Variants in LPAR6 observed in about 807,000 individuals in gnomAD.
The protein encoded by LPAR6 is lysophosphatidic acid receptor 6.
A neutral mutation model predicts 22.0 loss-of-function variants in LPAR6; 17 were observed. The ratio of observed to expected loss-of-function variants is 0.77; its 90% CI spans 0.53 to 1.16. The LOEUF is 1.16. Among genes scored for constraint, LPAR6 ranks in the 50% most tolerant of loss-of-function variants. The probability of loss-of-function intolerance (pLI) is 0.00; values close to 1 mark genes in which losing one functional copy is unlikely to be tolerated. For missense variants in LPAR6, 384 were observed against 406.9 expected, an observed-to-expected ratio of 0.94 and a Z score of 0.48; for synonymous variants, 136 against 139.8, an observed-to-expected ratio of 0.97 and a Z score of 0.19.
chr13:48,391,597 T>C (rs762713022), intron 1 of LPAR6: 1 of 152,068 alleles, frequency 6.6e-6, no homozygotes, highest in South Asian at 2.1e-4. Flanking sequence ...TCTATTCTTA[T>C]AAAACAAACA....
At chr13:48,423,391 A>G (rs1157625725) in intron 1 of LPAR6, among the ~76,000 whole-genome samples, 1 of 152,088 alleles carries the variant, frequency 6.6e-6, no homozygotes, top group Non-Finnish European at 1.5e-5. Flanking sequence ...CTCAGGTATA[A>G]TAGATCAAGG....
chr13:48,442,210 T>TA (rs1949244431), intron 1 of LPAR6, among the ~76,000 whole-genome samples: 2 of 147,074 alleles, frequency 1.4e-5, no homozygotes, highest in African/African-American at 4.9e-5. Flanking sequence ...AATTTTATTT[T>TA]TTTTTTTTGA....
intron 1 of LPAR6, among the ~76,000 whole-genome samples, chr13:48,395,548 A>G (rs1198386533): frequency 6.6e-6 from 1 of 152,138 alleles, no homozygotes; most frequent in Non-Finnish European, 1.5e-5. Flanking sequence ...ACCTGACGGA[A>G]CTGAAAAAAC....
intron 1 of LPAR6, among the ~76,000 whole-genome samples, chr13:48,393,056 T>A (rs545846726): frequency 3.3e-5 from 5 of 152,212 alleles, no homozygotes; most frequent in Admixed American, 6.5e-5. Context: ...CTCTACTGAA[T>A]ATCCCATATA....
intron 1 of LPAR6, among the ~76,000 whole-genome samples, chr13:48,441,197 A>G (rs1214065463): frequency 1.3e-5 from 2 of 152,200 alleles, no homozygotes; most frequent in African/African-American, 4.8e-5. Context: ...TGGTTCATAG[A>G]TGGCACCTTC....
chr13:48,440,188 C>G (rs1949223391), intron 1 of LPAR6, among the ~76,000 whole-genome samples: 1 of 152,078 alleles, frequency 6.6e-6, no homozygotes, highest in African/African-American at 2.4e-5. Flanking sequence ...CTGATATATG[C>G]TGCCTCCCAA....
At chr13:48,439,215 A>G (rs531112373) in intron 1 of LPAR6, among the ~76,000 whole-genome samples, 1 of 152,328 alleles carries the variant, frequency 6.6e-6, no homozygotes, top group African/African-American at 2.4e-5. Context: ...TAATTTCTAT[A>G]AAATACACAT....
Position 48,411,994 on chromosome 13 carries a change from CAGTT to C in LPAR6, c.426_429del (p.Thr143Ter). 1 of 1,608,204 alleles carries C rather than the reference CAGTT, an allele frequency of 6.2e-7. No homozygotes were observed. Among genetic ancestry groups the C allele is most frequent in the Non-Finnish European group, 8.5e-7 (1 of 1,176,914 alleles). Reference sequence around the variant, plus strand: ...ACGGCGGGTGCACTTCCTCCGATCACAGTTAACCACACGCCAGTGCAAACAATCT... The same window carrying C: ...ACGGCGGGTGCACTTCCTCCGATCACAACCACACGCCAGTGCAAACAATCT... On this transcript the variant is annotated frameshift_variant, in exon 1 of 1. Coordinates refer to ENST00000620633, the MANE Select transcript of LPAR6 (RefSeq NM_001162498.3). LOFTEE classifies it high-confidence loss of function.
chr13:48,394,540 G>C (rs1001250451), intron 1 of LPAR6, among the ~76,000 whole-genome samples: 13 of 152,178 alleles, frequency 8.5e-5, no homozygotes, highest in Admixed American at 7.9e-4. Context: ...GTCTGAGGTC[G>C]ACCTGGGATG....
intron 1 of LPAR6, among the ~76,000 whole-genome samples, chr13:48,434,237 A>G (rs1949159835): frequency 6.6e-6 from 1 of 151,956 alleles, no homozygotes; most frequent in Non-Finnish European, 1.5e-5. Flanking sequence ...AGTTGAGGCC[A>G]GTAGTTTGAG....
upstream of LPAR6, chr13:48,416,165 G>T (rs889207504): frequency 1.3e-5 from 2 of 152,176 alleles, no homozygotes; most frequent in African/African-American, 4.8e-5. Flanking sequence ...GGAACAGCTG[G>T]AGTCTGCAGC....
At chr13:48,430,753 CA>C (rs2138276278), upstream of LPAR6, among the ~76,000 whole-genome samples, 1 of 31,448 alleles carries the variant, frequency 3.2e-5, no homozygotes, top group East Asian at 8.7e-4. Flanking sequence ...AACAAAAAAA[CA>C]AACAAACAAA....
intron 1 of LPAR6, among the ~76,000 whole-genome samples, chr13:48,440,458 A>G (rs1468673022): frequency 4.6e-5 from 7 of 152,106 alleles, no homozygotes. Flanking sequence ...GCTAATGCAT[A>G]TTTTTTAACT....
chr13:48,442,235 C>T (rs539979503), intron 1 of LPAR6, among the ~76,000 whole-genome samples: 1 of 151,046 alleles, frequency 6.6e-6, no homozygotes, highest in African/African-American at 2.4e-5. Flanking sequence ...GAGTCTTGCT[C>T]TGTTGCCCAG....
chr13:48,425,362 G>T (rs1225906342), intron 1 of LPAR6, among the ~76,000 whole-genome samples: 2 of 152,204 alleles, frequency 1.3e-5, no homozygotes, highest in Admixed American at 1.3e-4. Flanking sequence ...ATGTAACCTA[G>T]TCCTACTCTG....
intron 1 of LPAR6, among the ~76,000 whole-genome samples, chr13:48,434,201 C>G (rs964142721): frequency 1.3e-5 from 2 of 151,820 alleles, no homozygotes; most frequent in African/African-American, 2.4e-5. Flanking sequence ...AATCCTTACA[C>G]TTTGGGAGGC....
At chr13:48,407,299 G>A (rs1948748946), downstream of LPAR6, among the ~76,000 whole-genome samples, 1 of 152,158 alleles carries the variant, frequency 6.6e-6, no homozygotes, top group Admixed American at 6.6e-5. Flanking sequence ...CTTTTCCAAT[G>A]AAAGAGGTAA....
intron 1 of LPAR6, among the ~76,000 whole-genome samples, chr13:48,392,400 C>T (rs1948617754): frequency 6.6e-6 from 1 of 152,186 alleles, no homozygotes; most frequent in South Asian, 2.1e-4. Flanking sequence ...CATGAGCCAC[C>T]ACGCCTGGCC....
At chr13:48,416,692 A>T (rs1280008431), upstream of LPAR6, 1 of 152,078 alleles carries the variant, frequency 6.6e-6, no homozygotes, top group Non-Finnish European at 1.5e-5. Flanking sequence ...CTGGCTTGAA[A>T]CTCTTACTGC....
Sources: gnomAD v4.1 joint callset for allele counts (sites outside exome capture counted in the v4.1 genomes callset) on GRCh38, gnomAD v4.1.1 for gene constraint, MANE v1.5 for transcripts, NCBI Gene and HGNC (gene_info 2026-07-23, HGNC 2026-07-21) for gene names.